Variants in PATL1 observed in about 807,000 individuals in gnomAD.
PATL1 encodes the protein protein PAT1 homolog 1.
A neutral mutation model predicts 100.6 loss-of-function variants in PATL1; 32 were observed. That is an observed-to-expected ratio of 0.32 (90% CI 0.24 to 0.43). PATL1 has a LOEUF of 0.43. Ranked by LOEUF, PATL1 falls within the 20% of genes least tolerant of loss-of-function variation. The pLI, the probability that PATL1 is intolerant of heterozygous loss-of-function variation, is 1.00. For missense variants in PATL1, 747 were observed against 949.9 expected (o/e 0.79, Z 2.81); for synonymous variants, 332 against 330.0 (o/e 1.01, Z -0.07).
At chr11:59,662,210 T>A (rs2134760222) in intron 2 of PATL1, among the ~76,000 whole-genome samples, 1 of 152,342 alleles carries the variant, frequency 6.6e-6, no homozygotes, top group South Asian at 2.1e-4. Context: ...GGTAAGGGAT[T>A]CCTTAAGTTG....
At position 59,649,624 on chromosome 11, in the gene PATL1, C is replaced by A. The variant is rs750646917; in HGVS notation, c.1585-14G>T. On this transcript the variant is annotated splice_polypyrimidine_tract_variant and intron_variant, in intron 13 of 18. Coordinates refer to ENST00000300146, the MANE Select transcript of PATL1 (RefSeq NM_152716.3). ...TAAGCTGTAGGTCTAAGAAGGGAGACAAAAGCAGGCCACAGCATGCTAGGT... is the reference window on the plus strand; with the variant it reads ...TAAGCTGTAGGTCTAAGAAGGGAGAAAAAAGCAGGCCACAGCATGCTAGGT... 2.9e-5 allele frequency: 47 copies of A among 1,608,926 alleles called. No individual in the cohort carries two copies. The highest frequency in any genetic ancestry group is 3.7e-5 in the Non-Finnish European group (44 of 1,177,536).
chr11:59,650,885 AGGTTC>A, intron 12 of PATL1, 72 bp from the exon 13 acceptor site: 1 of 1,060,306 alleles, frequency 9.4e-7, no homozygotes, highest in Non-Finnish European at 1.4e-6. Flanking sequence ...GCGCATTTGT[AGGTTC>A]ATTTGTGACA....
chr11:59,658,090 G>T (rs550546134), intron 4 of PATL1, among the ~76,000 whole-genome samples: 5 of 151,762 alleles, frequency 3.3e-5, no homozygotes, highest in African/African-American at 9.7e-5. Flanking sequence ...CTTGAGCCCG[G>T]AAGTTCAAGG....
At chr11:59,645,379 T>TC (rs893205862) in intron 15 of PATL1, among the ~76,000 whole-genome samples, 11 of 141,908 alleles carry the variant, frequency 7.8e-5, no homozygotes, top group East Asian at 2.0e-4. Context: ...GCCCCTCACT[T>TC]CCCCCCCCAT....
At chr11:59,664,778 G>A (rs1045516391) in intron 2 of PATL1, among the ~76,000 whole-genome samples, 8 of 152,192 alleles carry the variant, frequency 5.3e-5, no homozygotes, top group East Asian at 3.9e-4. Context: ...CTATGTTGCC[G>A]AGGATGGTCT....
chr11:59,647,979 C>T lies in PATL1; in HGVS notation c.1734-66G>A, dbSNP rs546000275. The T allele has an allele frequency of 2.8e-6, 4 of 1,442,106 alleles. No homozygotes were observed. The South Asian group carries it at 5.2e-5, about 19-fold the overall frequency. The allele number at this position is 1,442,106 out of a possible 1,614,324, so 89.3% of individuals were successfully genotyped here. On this transcript the variant is annotated intron_variant, in intron 14 of 18. Transcript: ENST00000300146. Reference sequence around the variant, plus strand: ...ATTAAGAAACCCTCATTTTTTTCCTCTTAGATGTTACTGAATGAATATACT... The same window carrying T: ...ATTAAGAAACCCTCATTTTTTTCCTTTTAGATGTTACTGAATGAATATACT...
intron 11 of PATL1, 64 bp from the exon 12 acceptor site, chr11:59,651,705 G>T: frequency 9.7e-7 from 1 of 1,034,474 alleles, no homozygotes; most frequent in Non-Finnish European, 1.4e-6. Context: ...GGCAGGCAGT[G>T]TTCAAAGAAG....
Position 59,638,228 on chromosome 11 carries a change from T to A in PATL1, c.*162A>T. On this transcript the variant is annotated 3_prime_UTR_variant, in exon 19 of 19. Transcript: ENST00000300146. ...AATTTCATAGAGCAGTGGGGAAATA[T>A]CTGACATTTAGAGAGACAACCCCTG... 1.5e-6 allele frequency: 1 copy of A among 686,996 alleles called. No homozygotes were observed. The allele number at this position is 686,996 out of a possible 1,614,324, so 42.6% of individuals were successfully genotyped here. A position where few individuals can be genotyped will look rare whatever the true frequency, so the allele number is the denominator to read the frequency against.
rs144253532 is a variant in PATL1, at chr11:59,638,161, A to G, written c.*229T>C. The G allele has an allele frequency of 5.2e-6, 3 of 582,134 alleles. No homozygotes were observed. Among genetic ancestry groups the G allele is most frequent in the Non-Finnish European group, 9.2e-6 (3 of 325,974 alleles). 36.1% of individuals were successfully genotyped at this position (582,134 alleles called of 1,614,324 possible). A position where few individuals can be genotyped will look rare whatever the true frequency, so the allele number is the denominator to read the frequency against. The stretch of plus-strand genomic sequence containing the variant: ...GTAAAAGTAGGACATGCAGAACTGT[A>G]ACACAGAAGGTAAAGAAACCAGCAG... On this transcript the variant is annotated 3_prime_UTR_variant, in exon 19 of 19. Coordinates refer to ENST00000300146, the MANE Select transcript of PATL1 (RefSeq NM_152716.3).
chr11:59,649,331 G>A lies in PATL1; in HGVS notation c.1733+131C>T, dbSNP rs1175770339. Reference sequence around the variant, plus strand: ...TTTAAATGAAGTGGCATTTGAGTTAGGCTAAAAGGATAGATTCTGAGCTTA... The same window carrying A: ...TTTAAATGAAGTGGCATTTGAGTTAAGCTAAAAGGATAGATTCTGAGCTTA... On this transcript the variant is annotated intron_variant, in intron 14 of 18. Transcript: ENST00000300146. 6 of 916,488 alleles carry A rather than the reference G, an allele frequency of 6.5e-6. No individual in the cohort carries two copies. In the African/African-American group the frequency reaches 1.0e-4, roughly 15 times the overall value. 56.8% of individuals were successfully genotyped at this position (916,488 alleles called of 1,614,324 possible). A position where few individuals can be genotyped will look rare whatever the true frequency, so the allele number is the denominator to read the frequency against.
intron 15 of PATL1, among the ~76,000 whole-genome samples, chr11:59,647,158 G>C (rs1020889765): frequency 1.4e-5 from 2 of 147,858 alleles, no homozygotes; most frequent in African/African-American, 5.0e-5. Context: ...GGGATGTGGA[G>C]GCTGCAGTGA....
rs1202705415 is a variant in PATL1, at chr11:59,655,507, C to G, written c.1031+16G>C. 7 of 1,531,588 alleles carry G rather than the reference C, an allele frequency of 4.6e-6. 1 individual carries two copies. In the East Asian group the frequency reaches 1.7e-4, roughly 37 times the overall value. The allele number at this position is 1,531,588 out of a possible 1,614,324, so 94.9% of individuals were successfully genotyped here. On this transcript the variant is annotated intron_variant, in intron 8 of 18. Transcript: ENST00000300146. Reference sequence around the variant, plus strand: ...TTGGCTGATAACTGATAAACAGTGGCGTTGATTTTGTATACCTTAGGTTTT... The same window carrying G: ...TTGGCTGATAACTGATAAACAGTGGGGTTGATTTTGTATACCTTAGGTTTT...
intron 2 of PATL1, among the ~76,000 whole-genome samples, chr11:59,660,198 T>C (rs1233126053): frequency 6.6e-6 from 1 of 152,230 alleles, no homozygotes; most frequent in Non-Finnish European, 1.5e-5. Flanking sequence ...TGCCACATTC[T>C]TTACATGCTT....
chr11:59,667,092 C>T, intron 1 of PATL1, 128 bp from the exon 2 acceptor site: 1 of 1,410,034 alleles, frequency 7.1e-7, no homozygotes, highest in Non-Finnish European at 9.2e-7. Flanking sequence ...GTAAAGATGG[C>T]ATTTTTTTTC....
At chr11:59,655,815 C>T (rs1263218905) in intron 7 of PATL1, 75 bp from the exon 8 acceptor site, 19 of 1,426,326 alleles carry the variant, frequency 1.3e-5, no homozygotes, top group East Asian at 5.0e-5. Flanking sequence ...AAAGTGAATA[C>T]GGTTTTCCAT....
At chr11:59,659,190 G>A (rs572310143) in intron 3 of PATL1, 62 bp downstream of exon 3, 134 of 1,418,714 alleles carry the variant, frequency 9.4e-5, no homozygotes, top group Non-Finnish European at 1.2e-4. Context: ...AAATGGCAAA[G>A]TTCAATACTT....
At chr11:59,655,893 T>C (rs926718703) in intron 7 of PATL1, 63 bp downstream of exon 7, 3 of 1,389,216 alleles carry the variant, frequency 2.2e-6, no homozygotes, top group African/African-American at 2.9e-5. Flanking sequence ...AAAGGGGCTA[T>C]TATCTAATGA....
chr11:59,650,776 T>G lies in PATL1; in HGVS notation c.1562A>C (p.Lys521Thr). The G allele has an allele frequency of 6.4e-7, 1 of 1,558,090 alleles. No homozygotes were observed. The highest frequency in any genetic ancestry group is 8.7e-7 in the Non-Finnish European group (1 of 1,149,504). Residue 521 changes from lysine (K) to threonine (T), a missense_variant, in exon 13 of 19, where the codon AAA becomes ACA. By Grantham distance (78) the Lys-to-Thr change is moderately conservative. Coordinates refer to ENST00000300146, the MANE Select transcript of PATL1 (RefSeq NM_152716.3). ...KEKQVRDKRRKTLVIIEKTYS... is the reference protein window; with the variant it reads ...KEKQVRDKRRTTLVIIEKTYS... ...TACTTTCTCAATTATAACAAGGGTT[T>G]TTCTCCTCTTGTCTCGAACTTGTTT...
rs1416660853 is a variant in PATL1 at position 59,655,436 on chromosome 11, C to T, written c.1031+87G>A. On this transcript the variant is annotated intron_variant, in intron 8 of 18. Transcript: ENST00000300146. ...ATAACATCTTAAAATTTATAGTTAG[C>T]AAATATCAAGAGACTTATAAAACTA... 3.3e-6 allele frequency: 4 copies of T among 1,195,954 alleles called. No homozygotes were observed. The African/African-American group carries it at 6.2e-5, about 19-fold the overall frequency. 74.1% of individuals were successfully genotyped at this position (1,195,954 alleles called of 1,614,324 possible).
Sources: allele counts gnomAD v4.1 joint callset (sites outside exome capture counted in the v4.1 genomes callset), GRCh38; gene constraint gnomAD v4.1.1; transcripts MANE v1.5; gene names NCBI Gene and HGNC (gene_info 2026-07-23, HGNC 2026-07-21).